The following ZHX3 variants were observed in gnomAD, a reference collection of about 807,000 sequenced individuals.
The protein encoded by ZHX3 is zinc fingers and homeoboxes protein 3.
ZHX3 carries 20 observed loss-of-function variants against 64.5 expected under a neutral mutation model. The ratio of observed to expected loss-of-function variants is 0.31; its 90% CI spans 0.22 to 0.45. The LOEUF (loss-of-function observed/expected upper bound fraction) is 0.45. Among genes scored for constraint, ZHX3 ranks in the 20% least tolerant of loss-of-function variants. ZHX3 has a pLI of 1.00. For missense variants in ZHX3, 1,041 were observed against 1,195.8 expected (o/e 0.87, Z 1.91); for synonymous variants, 423 against 461.6 (o/e 0.92, Z 1.07).
chr20:41,268,958 C>T (rs1404991652), intron 2 of ZHX3, 32 bp downstream of exon 2: 1 of 152,192 alleles, frequency 6.6e-6, no homozygotes, highest in Non-Finnish European at 1.5e-5. Flanking sequence ...CAGAAGCATG[C>T]TATTTACCCA....
Position 41,202,473 on chromosome 20 carries a change from C to T in ZHX3, c.2444G>A (p.Ser815Asn). 1 of 1,614,194 alleles carries T rather than the reference C, an allele frequency of 6.2e-7. No homozygotes were observed. The highest frequency in any genetic ancestry group is 8.5e-7 in the Non-Finnish European group (1 of 1,180,022). The change falls in exon 3 of 4, where the codon AGC becomes AAC. Residue 815 changes from serine to asparagine, a missense_variant. By Grantham distance (46) the Ser-to-Asn change is conservative. Around this residue, in one of 4 missense-constraint regions of ZHX3, gnomAD observed 649 missense variants for 739.8 expected, o/e 0.88. Coordinates refer to ENST00000683867, the MANE Select transcript of ZHX3 (RefSeq NM_001384317.1). This position sits in a 1 kb window ranked among gnomAD's most constrained non-coding sequence, Gnocchi z 7.0. Reference protein sequence around the residue: ...RPEVVRWFGDSRYALKNGQLK... With the variant: ...RPEVVRWFGDNRYALKNGQLK... ...TTGGCCGTTCTTCAGTGCGTACCTG[C>T]TATCTCCAAACCAGCGCACCACCTC...
intron 2 of ZHX3, among the ~76,000 whole-genome samples, chr20:41,221,489 G>A (rs2146333481): frequency 6.6e-6 from 1 of 152,206 alleles, no homozygotes; most frequent in East Asian, 1.9e-4. Context: ...TTCTATGCCA[G>A]ACATGCCAGA....
At chr20:41,264,546 T>G in intron 2 of ZHX3, among the ~76,000 whole-genome samples, 1 of 126,476 alleles carries the variant, frequency 7.9e-6, no homozygotes, top group African/African-American at 3.2e-5. Flanking sequence ...GCAACAAGAG[T>G]GAAACTCCAT....
At chr20:41,194,074 TTTTA>T (rs758033798) in intron 3 of ZHX3, among the ~76,000 whole-genome samples, 35 of 152,186 alleles carry the variant, frequency 2.3e-4, no homozygotes, top group Admixed American at 1.6e-3. Flanking sequence ...ACTTGGATCC[TTTTA>T]TTTATTTTTT....
intron 1 of ZHX3, among the ~76,000 whole-genome samples, chr20:41,282,036 G>A (rs371044803): frequency 1.3e-5 from 2 of 152,234 alleles, no homozygotes; most frequent in South Asian, 2.1e-4. Context: ...GATTGGGCAT[G>A]AGGGACAGAG....
At position 41,203,212 on chromosome 20, in the gene ZHX3, C is replaced by A; in HGVS notation, c.1705G>T (p.Asp569Tyr). 1 of 1,614,122 alleles carries A rather than the reference C, an allele frequency of 6.2e-7. No homozygotes were observed. ...IPGDHSSIII[D>Y]SVPEVSFSPS... is the part of the protein sequence containing the mutation. The stretch of plus-strand genomic sequence containing the variant: ...GAGAAGGACACCTCTGGCACAGAGT[C>A]AATGATGATGGAACTGTGATCTCCA... Residue 569 changes from aspartate to tyrosine, a missense_variant, in exon 3 of 4, where the codon GAC becomes TAC. By Grantham distance (160) the Asp-to-Tyr change is radical. Coordinates refer to ENST00000683867, the MANE Select transcript of ZHX3 (RefSeq NM_001384317.1). The surrounding 1 kb of genome is among the most constrained non-coding windows in gnomAD (Gnocchi z 7.1).
chr20:41,275,802 C>T (rs2043351656), intron 1 of ZHX3, among the ~76,000 whole-genome samples: 2 of 152,184 alleles, frequency 1.3e-5, no homozygotes, highest in South Asian at 4.1e-4. Context: ...GTGTCTTCAA[C>T]ACGCTAACTG....
rs1357355799 is a variant in ZHX3, at chr20:41,204,547, G to A, written c.370C>T (p.Leu124Phe). ...TGACATGTGGCATTGTGCAAGGAAA[G>A]CCCCTCAGGGGTTTTTGCCAGAAAA... ...CSFLAKTPEG[L>F]SLHNATCHSG... Residue 124 changes from leucine (L) to phenylalanine (F), a missense_variant, in exon 3 of 4, where the codon CTT becomes TTT. By Grantham distance (22) the Leu-to-Phe change is conservative. This residue lies in a region of ZHX3 where 358 missense variants were observed against 369.1 expected (regional missense o/e 0.97). Coordinates refer to ENST00000683867, the MANE Select transcript of ZHX3 (RefSeq NM_001384317.1). The surrounding 1 kb of genome is among the most constrained non-coding windows in gnomAD (Gnocchi z 6.6). 8.1e-6 allele frequency: 13 copies of A among 1,614,214 alleles called. No individual in the cohort carries two copies. The highest frequency in any genetic ancestry group is 2.2e-5 in the East Asian group (1 of 44,884).
At chr20:41,191,707 T>G (rs1013450563) in intron 3 of ZHX3, among the ~76,000 whole-genome samples, 1 of 152,246 alleles carries the variant, frequency 6.6e-6, no homozygotes, top group Admixed American at 6.5e-5. Context: ...TAGGACACTT[T>G]GGCTTTGATT....
intron 2 of ZHX3, chr20:41,213,970 G>A (rs1410961174): frequency 6.6e-6 from 1 of 152,172 alleles, no homozygotes; most frequent in Non-Finnish European, 1.5e-5. Context: ...AGCTACTCAG[G>A]AGGCTGAGGT....
At chr20:41,240,049 G>A (rs1353510379) in intron 2 of ZHX3, among the ~76,000 whole-genome samples, 1 of 151,838 alleles carries the variant, frequency 6.6e-6, no homozygotes, top group East Asian at 1.9e-4. Context: ...CAGGCTGGAG[G>A]GCAGTGGCGC....
chr20:41,297,961 C>G (rs958675212), intron 1 of ZHX3, among the ~76,000 whole-genome samples: 3 of 152,160 alleles, frequency 2.0e-5, no homozygotes, highest in Non-Finnish European at 4.4e-5. Context: ...GAAGTTTCAT[C>G]TATTTCTATT....
chr20:41,234,954 T>C (rs2040866763), intron 2 of ZHX3, among the ~76,000 whole-genome samples: 1 of 152,248 alleles, frequency 6.6e-6, no homozygotes, highest in African/African-American at 2.4e-5. Flanking sequence ...TTCAAGGTTG[T>C]CCTTGTAAGT....
chr20:41,255,159 A>T (rs1426485269), intron 2 of ZHX3, among the ~76,000 whole-genome samples: 1 of 151,944 alleles, frequency 6.6e-6, no homozygotes, highest in African/African-American at 2.4e-5. Flanking sequence ...TGATATATAT[A>T]TATTTTTTTT....
chr20:41,234,491 C>T (rs2040830782), intron 2 of ZHX3, among the ~76,000 whole-genome samples: 1 of 152,164 alleles, frequency 6.6e-6, no homozygotes, highest in Admixed American at 6.5e-5. Context: ...CCAACTCCTA[C>T]CCTCAAATCA....
At chr20:41,236,483 T>C (rs1313695749) in intron 2 of ZHX3, among the ~76,000 whole-genome samples, 1 of 152,218 alleles carries the variant, frequency 6.6e-6, no homozygotes, top group East Asian at 1.9e-4. Context: ...TACAACCATC[T>C]GATCTTTGAC....
intron 2 of ZHX3, among the ~76,000 whole-genome samples, chr20:41,222,919 A>AG (rs1273644389): frequency 7.9e-5 from 12 of 151,538 alleles, no homozygotes; most frequent in Middle Eastern, 3.4e-3. Flanking sequence ...AAAAAAAAAA[A>AG]AAAGAAAGAA....
intron 2 of ZHX3, among the ~76,000 whole-genome samples, chr20:41,236,068 T>A (rs1197326571): frequency 6.6e-6 from 1 of 152,142 alleles, no homozygotes; most frequent in East Asian, 1.9e-4. Flanking sequence ...TAACAAGGGA[T>A]GTGAAGGACC....
chr20:41,194,710 T>G (rs376042924), intron 3 of ZHX3, among the ~76,000 whole-genome samples: 10 of 152,320 alleles, frequency 6.6e-5, no homozygotes, highest in African/African-American at 2.4e-4. Context: ...GTTGGAATGT[T>G]TCTGATAACA....
Sources: allele counts gnomAD v4.1 joint callset (sites outside exome capture counted in the v4.1 genomes callset), GRCh38; gene constraint gnomAD v4.1.1; regional missense constraint gnomAD v4.1.1; non-coding constraint Gnocchi (gnomAD v3.1); transcripts MANE v1.5; gene names NCBI Gene and HGNC (gene_info 2026-07-23, HGNC 2026-07-21).